Variants in ARHGAP26 observed in about 807,000 individuals in gnomAD.
The protein encoded by ARHGAP26 is Rho GTPase activating protein 26, also known as rho GTPase-activating protein 26.
ARHGAP26 carries 38 observed loss-of-function variants against 104.8 expected under a neutral mutation model. The ratio of observed to expected loss-of-function variants is 0.36; its 90% confidence interval spans 0.28 to 0.48. The LOEUF (loss-of-function observed/expected upper bound fraction) is 0.48. Among genes scored for constraint, ARHGAP26 ranks in the 20% least tolerant of loss-of-function variants. The pLI is 0.99. For synonymous variants in ARHGAP26, 341 were observed against 340.0 expected, an observed-to-expected ratio of 1.00 and a Z score of -0.03; for missense variants, 704 against 947.9, an observed-to-expected ratio of 0.74 and a Z score of 3.38.
At chr5:143,126,691 G>A (rs1210050402) in intron 18 of ARHGAP26, among the ~76,000 whole-genome samples, 2 of 152,146 alleles carry the variant, frequency 1.3e-5, no homozygotes, top group Admixed American at 6.5e-5. Context: ...TTTCCTATTA[G>A]TGACTCCTTA....
intron 1 of ARHGAP26, among the ~76,000 whole-genome samples, chr5:142,799,813 C>T (rs760401441): frequency 6.6e-6 from 1 of 152,252 alleles, no homozygotes; most frequent in Non-Finnish European, 1.5e-5. Context: ...TTGATTCATT[C>T]ATGAGGGCGG....
intron 11 of ARHGAP26, among the ~76,000 whole-genome samples, chr5:142,964,314 A>T (rs1447200080): frequency 6.6e-6 from 1 of 152,158 alleles, no homozygotes; most frequent in African/African-American, 2.4e-5. Context: ...TACCTGTAAC[A>T]TTTGTTCTAT....
intron 11 of ARHGAP26, among the ~76,000 whole-genome samples, chr5:142,935,457 G>A (rs1195400797): frequency 6.6e-6 from 1 of 152,194 alleles, no homozygotes; most frequent in Admixed American, 6.5e-5. Flanking sequence ...TAAATGAATA[G>A]GTATAGCCTT....
intron 5 of ARHGAP26, among the ~76,000 whole-genome samples, chr5:142,888,376 G>T (rs1460883266): frequency 2.6e-5 from 4 of 152,158 alleles, no homozygotes; most frequent in African/African-American, 4.8e-5. Context: ...GAGAGGGAAG[G>T]ACCTTAGTGA....
At chr5:142,998,059 GT>G (rs1435103504) in intron 11 of ARHGAP26, among the ~76,000 whole-genome samples, 3 of 152,130 alleles carry the variant, frequency 2.0e-5, no homozygotes, top group Non-Finnish European at 4.4e-5. Context: ...ACCTAACTGT[GT>G]TTCTCCTAGA....
intron 1 of ARHGAP26, among the ~76,000 whole-genome samples, chr5:142,810,214 T>C (rs187177665): frequency 1.3e-5 from 2 of 152,336 alleles, no homozygotes; most frequent in Admixed American, 6.5e-5. Context: ...GGTTCTTGGC[T>C]TTATCAGAGA....
At chr5:143,056,144 A>G (rs1376197872) in intron 16 of ARHGAP26, 58 bp downstream of exon 16, 6 of 1,429,202 alleles carry the variant, frequency 4.2e-6, no homozygotes, top group Non-Finnish European at 5.9e-6. Context: ...TATTTCAAAG[A>G]AGAGTCAGTA....
intron 20 of ARHGAP26, among the ~76,000 whole-genome samples, chr5:143,200,736 A>C (rs1042350350): frequency 6.6e-6 from 1 of 152,260 alleles, no homozygotes; most frequent in African/African-American, 2.4e-5. Flanking sequence ...TTTCATTATT[A>C]GAATTTTGAA....
At chr5:142,959,966 G>A (rs181899797) in intron 11 of ARHGAP26, among the ~76,000 whole-genome samples, 1 of 152,322 alleles carries the variant, frequency 6.6e-6, no homozygotes, top group Admixed American at 6.5e-5. Flanking sequence ...ATATGGGATT[G>A]GTCTGTTTTT....
chr5:143,141,266 C>G (rs1387927944), intron 19 of ARHGAP26, among the ~76,000 whole-genome samples: 2 of 152,228 alleles, frequency 1.3e-5, no homozygotes, highest in Non-Finnish European at 2.9e-5. Context: ...TGAAAACAAG[C>G]CATTCTAGGC....
At chr5:143,021,382 A>G (rs245818) in intron 12 of ARHGAP26, among the ~76,000 whole-genome samples, 32,161 of 152,170 alleles carry the variant, frequency 0.21, 3,591 homozygotes, top group East Asian at 0.4. Flanking sequence ...TTGTTAGACT[A>G]ATGCTCTTTC....
At chr5:143,154,863 T>A (rs556949105) in intron 20 of ARHGAP26, among the ~76,000 whole-genome samples, 33 of 152,086 alleles carry the variant, frequency 2.2e-4, no homozygotes, top group East Asian at 1.9e-3. Context: ...TTTTTTTTTT[T>A]AAAAAGCAAT....
chr5:142,810,580 A>G (rs1763880406), intron 1 of ARHGAP26, among the ~76,000 whole-genome samples: 1 of 152,186 alleles, frequency 6.6e-6, no homozygotes, highest in African/African-American at 2.4e-5. Context: ...CTTTTGAACT[A>G]TGGCATACCT....
rs115419735 is a variant in ARHGAP26, at chr5:142,939,107, A to G, written c.1107+6982A>G. On this transcript the variant is annotated intron_variant, in intron 11 of 22. Transcript: ENST00000645722. ...GTGGAGCAGGAAGAAGCAAGCCCAC[A>G]CGTAAGTCAATATCATACCCTTATT... is the stretch of plus-strand genomic sequence containing the variant. Among the ~76,000 whole-genome samples, 745 of 152,298 alleles carry G rather than the reference A, an allele frequency of 4.9e-3. 6 individuals carry two copies. The highest frequency in any genetic ancestry group is 0.017 in the African/African-American group (713 of 41,548).
intron 1 of ARHGAP26, among the ~76,000 whole-genome samples, chr5:142,784,059 G>A (rs1409299694): frequency 6.6e-6 from 1 of 152,174 alleles, no homozygotes; most frequent in East Asian, 1.9e-4. Flanking sequence ...TGTGTCTGCT[G>A]GCCAGGACTT....
intron 16 of ARHGAP26, 43 bp from the exon 17 acceptor site, chr5:143,057,599 G>C (rs753428034): frequency 6.5e-7 from 1 of 1,530,718 alleles, no homozygotes; most frequent in South Asian, 1.1e-5. Flanking sequence ...AAGTTGTTTA[G>C]CTGTGACACT....
intron 9 of ARHGAP26, among the ~76,000 whole-genome samples, chr5:142,911,122 C>T (rs113636186): frequency 6.4e-4 from 97 of 152,270 alleles, no homozygotes; most frequent in African/African-American, 2.1e-3. Flanking sequence ...CTGTGTGTGA[C>T]GGAAGAATTT....
chr5:143,193,279 G>A (rs1484834285), intron 20 of ARHGAP26, among the ~76,000 whole-genome samples: 9 of 120,134 alleles, frequency 7.5e-5, no homozygotes, highest in Middle Eastern at 6.0e-3. Flanking sequence ...GCAGAGTCTC[G>A]CTCTGTCACC....
chr5:142,936,733 A>G (rs1009806175), intron 11 of ARHGAP26, among the ~76,000 whole-genome samples: 3 of 152,120 alleles, frequency 2.0e-5, no homozygotes, highest in Non-Finnish European at 4.4e-5. Context: ...AATATGCCCA[A>G]TTGATTTTTG....
Sources: gnomAD v4.1 joint callset for allele counts (sites outside exome capture counted in the v4.1 genomes callset) on GRCh38, gnomAD v4.1.1 for gene constraint, MANE v1.5 for transcripts, NCBI Gene and HGNC (gene_info 2026-07-23, HGNC 2026-07-21) for gene names.